The following NAA11 variants were observed in gnomAD, a reference collection of about 807,000 sequenced individuals.
NAA11 encodes N-alpha-acetyltransferase 11.
Under a neutral mutation model 16.1 loss-of-function variants are expected in NAA11, and 15 were observed. The ratio of observed to expected loss-of-function variants is 0.93; its 90% CI spans 0.62 to 1.44. NAA11 has a LOEUF of 1.44. Ranked by LOEUF, NAA11 falls within the 40% of genes most tolerant of loss-of-function variation. NAA11 has a pLI of 0.00. For synonymous variants in NAA11, 122 were observed against 112.4 expected, an observed-to-expected ratio of 1.09 and a Z score of -0.54; for missense variants, 298 against 291.3, an observed-to-expected ratio of 1.02 and a Z score of -0.17.
chr4:79,210,488 G>A, the NAA11 span, among the ~76,000 whole-genome samples: 67 of 152,192 alleles, frequency 4.4e-4, no homozygotes, highest in South Asian at 5.4e-3. Flanking sequence ...GGATCACAGG[G>A]ATCATAATGG....
At chr4:79,226,753 T>C (rs1388738537) in intron 2 of NAA11, among the ~76,000 whole-genome samples, 3 of 152,040 alleles carry the variant, frequency 2.0e-5, no homozygotes, top group Non-Finnish European at 4.4e-5. Flanking sequence ...ACAAAGGACA[T>C]GAATTCATCC....
At chr4:79,187,683 G>C in the NAA11 span, among the ~76,000 whole-genome samples, 1 of 152,116 alleles carries the variant, frequency 6.6e-6, no homozygotes, top group East Asian at 1.9e-4. Flanking sequence ...CATTCATGCA[G>C]TTTAGCAAAC....
intron 2 of NAA11, among the ~76,000 whole-genome samples, chr4:79,256,996 T>C (rs958339019): frequency 3.3e-5 from 5 of 152,170 alleles, no homozygotes; most frequent in Non-Finnish European, 7.3e-5. Context: ...AAATTAATTC[T>C]AGTATATTAT....
chr4:79,238,186 T>C (rs992409510), intron 2 of NAA11, among the ~76,000 whole-genome samples: 3 of 152,208 alleles, frequency 2.0e-5, no homozygotes, highest in Admixed American at 1.3e-4. Flanking sequence ...GCTTAAACCA[T>C]TGGGAATACT....
intron 2 of NAA11, among the ~76,000 whole-genome samples, chr4:79,283,445 T>C (rs1722840270): frequency 6.6e-6 from 1 of 152,112 alleles, no homozygotes; most frequent in Non-Finnish European, 1.5e-5. Flanking sequence ...CCACATCTTC[T>C]ATTCTAACAG....
chr4:79,248,082 C>G (rs1398624850), intron 2 of NAA11, among the ~76,000 whole-genome samples: 2 of 152,168 alleles, frequency 1.3e-5, no homozygotes, highest in African/African-American at 4.8e-5. Context: ...CCAGTCTGAC[C>G]TGAGCACTTC....
At chr4:79,223,068 A>T (rs1293931447), downstream of NAA11, among the ~76,000 whole-genome samples, 589 of 147,898 alleles carry the variant, frequency 4.0e-3, 5 homozygotes, top group African/African-American at 0.014. Flanking sequence ...TAGTTCAACC[A>T]TTGTGGAAGT....
chr4:79,296,504 T>C (rs1416112108), intron 1 of NAA11, among the ~76,000 whole-genome samples: 1 of 152,240 alleles, frequency 6.6e-6, no homozygotes, highest in Non-Finnish European at 1.5e-5. Context: ...TTATTTCTTT[T>C]CTTACCTCTG....
intron 2 of NAA11, among the ~76,000 whole-genome samples, chr4:79,290,524 C>T (rs766806229): frequency 6.6e-6 from 1 of 152,078 alleles, no homozygotes; most frequent in East Asian, 1.9e-4. Context: ...CTTTTTGGCA[C>T]GAAGCTTGAT....
the NAA11 span, among the ~76,000 whole-genome samples, chr4:79,208,942 A>C: frequency 6.7e-6 from 1 of 148,592 alleles, no homozygotes; most frequent in African/African-American, 2.5e-5. Context: ...AAAAAAAAAA[A>C]AAAAACCCCA....
At chr4:79,169,243 T>A in the NAA11 span, among the ~76,000 whole-genome samples, 1 of 152,128 alleles carries the variant, frequency 6.6e-6, no homozygotes, top group Non-Finnish European at 1.5e-5. Context: ...TTCATAGAAT[T>A]AGAAAAAACT....
chr4:79,211,148 A>G, the NAA11 span, among the ~76,000 whole-genome samples: 1 of 152,156 alleles, frequency 6.6e-6, no homozygotes, highest in Non-Finnish European at 1.5e-5. Context: ...AACCAGCTTA[A>G]GTGACTGGCT....
chr4:79,206,682 T>A, the NAA11 span, among the ~76,000 whole-genome samples: 1 of 152,090 alleles, frequency 6.6e-6, no homozygotes, highest in Non-Finnish European at 1.5e-5. Context: ...AAGTTCTAAG[T>A]TGCTAGCCAG....
chr4:79,204,928 TAC>T, the NAA11 span, among the ~76,000 whole-genome samples: 721 of 147,902 alleles, frequency 4.9e-3, 1 homozygote, highest in Non-Finnish European at 7.0e-3. Flanking sequence ...ATGGTGTGTA[TAC>T]ACACACACAC....
the NAA11 span, among the ~76,000 whole-genome samples, chr4:79,211,128 G>A: frequency 6.6e-6 from 1 of 152,096 alleles, no homozygotes; most frequent in East Asian, 1.9e-4. Context: ...TACATTAGTT[G>A]TGAGTCCAGA....
chr4:79,301,777 A>C (rs2110002469), intron 1 of NAA11, among the ~76,000 whole-genome samples: 1 of 152,296 alleles, frequency 6.6e-6, no homozygotes, highest in East Asian at 1.9e-4. Context: ...AGCTCACAAA[A>C]AATACTTGAA....
At chr4:79,212,557 T>C in the NAA11 span, among the ~76,000 whole-genome samples, 2 of 152,118 alleles carry the variant, frequency 1.3e-5, no homozygotes, top group East Asian at 3.9e-4. Flanking sequence ...AATGAAAGGC[T>C]GAATCTTCCT....
At chr4:79,167,830 A>T in the NAA11 span, among the ~76,000 whole-genome samples, 1 of 151,982 alleles carries the variant, frequency 6.6e-6, no homozygotes, top group African/African-American at 2.4e-5. Context: ...GAAGAGAGAG[A>T]TGGGGAAGTG....
At chr4:79,192,776 A>G in the NAA11 span, among the ~76,000 whole-genome samples, 1 of 149,324 alleles carries the variant, frequency 6.7e-6, no homozygotes, top group African/African-American at 2.4e-5. Flanking sequence ...TGGTATTTCC[A>G]GTTCTAGATC....
Sources: gnomAD v4.1 joint callset for allele counts (sites outside exome capture counted in the v4.1 genomes callset) on GRCh38, gnomAD v4.1.1 for gene constraint, MANE v1.5 for transcripts, NCBI Gene and HGNC (gene_info 2026-07-23, HGNC 2026-07-21) for gene names.